OR4A16: variants seen among roughly 807,000 people sequenced by gnomAD.
The protein encoded by OR4A16 is olfactory receptor family 4 subfamily A member 16.
For synonymous variants in OR4A16, 210 were observed against 138.6 expected (o/e 1.51, Z -3.62); for missense variants, 594 against 390.9 (o/e 1.52, Z -4.38).
chr11:55,344,169 G>A lies in OR4A16; in HGVS notation c.969G>A (p.Lys323=), dbSNP rs1490914617. The A allele has an allele frequency of 1.9e-6, 3 of 1,584,232 alleles. No homozygotes were observed. The highest frequency in any genetic ancestry group is 2.3e-5 in the South Asian group (2 of 87,960). The part of the protein sequence containing the change: ...PTLNIFIPSS[K]ATNRR ...TGAACATATTTATTCCTAGTTCTAA[G>A]GCAACAAATAGGCGGTAAAATACTG... The change falls in exon 1 of 1, where the codon AAG becomes AAA. Residue 323 remains lysine, a synonymous_variant. Transcript: ENST00000314721.
Position 55,343,498 on chromosome 11 carries a change from T to C in OR4A16, c.298T>C (p.Phe100Leu), listed in dbSNP as rs368818886. ...ISLSACMGQL[F>L]IEHLLGGAEV... is the part of the protein sequence containing the mutation. ...CTTGTCAGCTTGCATGGGTCAGCTC[T>C]TCATAGAACACTTACTTGGTGGTGC... The change falls in exon 1 of 1, where the codon TTC (phenylalanine) becomes CTC (leucine). Residue 100 changes from phenylalanine to leucine, a missense_variant. Physicochemically the swap from Phe to Leu is conservative, Grantham distance 22 (BLOSUM62 0). Coordinates refer to ENST00000314721, the MANE Select transcript of OR4A16 (RefSeq NM_001005274.1). 3.1e-6 allele frequency: 5 copies of C among 1,613,838 alleles called. No homozygotes were observed. The African/African-American group carries it at 5.3e-5, about 17-fold the overall frequency.
Position 55,343,919 on chromosome 11 carries a change from C to G in OR4A16, c.719C>G (p.Ser240Cys). 6.2e-7 allele frequency: 1 copy of G among 1,613,812 alleles called. No homozygotes were observed. Among genetic ancestry groups the G allele is most frequent in the East Asian group, 2.2e-5 (1 of 44,800 alleles). ...CATAAAGCCCTGCCTACCTGCATCTCCCACATCATTGTGGTTGCCCTCGTT... is the reference window on the plus strand; with the variant it reads ...CATAAAGCCCTGCCTACCTGCATCTGCCACATCATTGTGGTTGCCCTCGTT... ...ERHKALPTCI[S>C]HIIVVALVFV... is the part of the protein sequence containing the mutation. Residue 240 changes from serine (S) to cysteine (C), a missense_variant, in exon 1 of 1, where the codon TCC becomes TGC. Transcript: ENST00000314721.
Position 55,343,946 on chromosome 11 carries a change from T to G in OR4A16, c.746T>G (p.Phe249Cys), listed in dbSNP as rs376009802. 7.4e-6 allele frequency: 12 copies of G among 1,613,744 alleles called. No homozygotes were observed. The highest frequency in any genetic ancestry group is 1.0e-5 in the Non-Finnish European group (12 of 1,179,896). The stretch of plus-strand genomic sequence containing the variant: ...CACATCATTGTGGTTGCCCTCGTTT[T>G]TGTTCCCTGTATTTTTATGTATGTT... ...ISHIIVVALV[F>C]VPCIFMYVRP... The change falls in exon 1 of 1, where the codon TTT becomes TGT. Residue 249 changes from phenylalanine to cysteine, a missense_variant. Coordinates refer to ENST00000314721, the MANE Select transcript of OR4A16 (RefSeq NM_001005274.1).
chr11:55,343,487 T>C lies in OR4A16; in HGVS notation c.287T>C (p.Met96Thr), dbSNP rs755507468. 4.3e-6 allele frequency: 7 copies of C among 1,613,942 alleles called. No homozygotes were observed. The highest frequency in any genetic ancestry group is 1.1e-5 in the South Asian group (1 of 91,074). ...DKIAISLSAC[M>T]GQLFIEHLLG... is the part of the protein sequence containing the mutation. ...ATCGCTATTTCCTTGTCAGCTTGCA[T>C]GGGTCAGCTCTTCATAGAACACTTA... The change falls in exon 1 of 1, where the codon ATG becomes ACG. Residue 96 changes from methionine to threonine, a missense_variant. By Grantham distance (81) the Met-to-Thr change is moderately conservative. Transcript: ENST00000314721.
In OR4A16 at chr11:55,343,613, T is replaced by A; in HGVS notation, c.413T>A (p.Val138Asp). 6.2e-7 allele frequency: 1 copy of A among 1,613,960 alleles called. No individual in the cohort carries two copies. Reference sequence around the variant, plus strand: ...TATTTGAACATCATGAATCGACTGGTTTGCATCCTTCTGTTGGTGGTGGCC... The same window carrying A: ...TATTTGAACATCATGAATCGACTGGATTGCATCCTTCTGTTGGTGGTGGCC... ...LHYLNIMNRL[V>D]CILLLVVAMI... The change falls in exon 1 of 1, where the codon GTT becomes GAT. Residue 138 changes from valine to aspartate, a missense_variant. Val to Asp is a radical substitution (Grantham distance 152, BLOSUM62 -3). Coordinates refer to ENST00000314721, the MANE Select transcript of OR4A16 (RefSeq NM_001005274.1).
Position 55,344,137 on chromosome 11 carries a change from C to T in OR4A16, c.937C>T (p.Pro313Ser), listed in dbSNP as rs764276746. ...KLSIVRKRVSPTLNIFIPSSK... is the reference protein window; with the variant it reads ...KLSIVRKRVSSTLNIFIPSSK... ...AAGTATAGTTAGAAAAAGAGTATCT[C>T]CCACACTGAACATATTTATTCCTAG... is the stretch of plus-strand genomic sequence containing the variant. Residue 313 changes from proline to serine, a missense_variant, in exon 1 of 1, where the codon CCC (proline) becomes TCC (serine). Transcript: ENST00000314721. The T allele has an allele frequency of 3.7e-6, 6 of 1,600,224 alleles. No homozygotes were observed. The Admixed American group carries it at 5.0e-5, about 13-fold the overall frequency.
rs758332856 is a variant in OR4A16, at chr11:55,343,564, G to A, written c.364G>A (p.Val122Met). Residue 122 changes from valine (V) to methionine (M), a missense_variant, in exon 1 of 1, where the codon GTG becomes ATG. By Grantham distance (21) the Val-to-Met change is conservative (BLOSUM62 1). Transcript: ENST00000314721. ...LLVVMAYDRYVAISKPLHYLN... is the reference protein window; with the variant it reads ...LLVVMAYDRYMAISKPLHYLN... ...GGTGGTGATGGCCTATGATCGCTATGTGGCTATCTCTAAGCCGCTGCACTA... is the reference window on the plus strand; with the variant it reads ...GGTGGTGATGGCCTATGATCGCTATATGGCTATCTCTAAGCCGCTGCACTA... 1 of 1,613,960 alleles carries A rather than the reference G, an allele frequency of 6.2e-7. No homozygotes were observed. Among genetic ancestry groups the A allele is most frequent in the African/African-American group, 1.3e-5 (1 of 75,024 alleles).
chr11:55,343,695 A>T lies in OR4A16; in HGVS notation c.495A>T (p.Pro165=), dbSNP rs1227735519. The change falls in exon 1 of 1, where the codon CCA becomes CCT. Residue 165 remains proline (P), a synonymous_variant. Coordinates refer to ENST00000314721, the MANE Select transcript of OR4A16 (RefSeq NM_001005274.1). ...VVQIVFLYSL[P]ICGPNVIDHS... ...AAATTGTCTTTCTGTACAGTCTACC[A>T]ATCTGTGGCCCCAATGTTATTGACC... The T allele has an allele frequency of 1.2e-6, 2 of 1,613,798 alleles. No homozygotes were observed. The highest frequency in any genetic ancestry group is 2.7e-5 in the African/African-American group (2 of 74,894).
Position 55,343,622 on chromosome 11 carries a change from T to C in OR4A16, c.422T>C (p.Leu141Pro), listed in dbSNP as rs138154619. Residue 141 changes from leucine (L) to proline (P), a missense_variant, in exon 1 of 1, where the codon CTT becomes CCT. Physicochemically the swap from Leu to Pro is moderately conservative, Grantham distance 98. Transcript: ENST00000314721. ...ATCATGAATCGACTGGTTTGCATCC[T>C]TCTGTTGGTGGTGGCCATGATTGGA... is the stretch of plus-strand genomic sequence containing the variant. ...LNIMNRLVCILLLVVAMIGGF... is the reference protein window; with the variant it reads ...LNIMNRLVCIPLLVVAMIGGF... 1.1e-5 allele frequency: 18 copies of C among 1,613,836 alleles called. No homozygotes were observed. Among genetic ancestry groups the C allele is most frequent in the Non-Finnish European group, 1.5e-5 (18 of 1,179,930 alleles).
chr11:55,343,285 T>G lies in OR4A16; in HGVS notation c.85T>G (p.Phe29Val), dbSNP rs76944329. The G allele has an allele frequency of 0.011, 16,983 of 1,567,886 alleles. No individual in the cohort carries two copies. The highest frequency in any genetic ancestry group is 0.033 in the African/African-American group (2,401 of 73,146). ...TGTGAAAAAAACATTATTTGTCATG[T>G]TTTTACTCATATACATTGTGACAAT... ...PDVKKTLFVM[F>V]LLIYIVTMVG... is the part of the protein sequence containing the mutation. The change falls in exon 1 of 1, where the codon TTT (phenylalanine) becomes GTT (valine). Residue 29 changes from phenylalanine to valine, a missense_variant. Phe to Val is a conservative substitution (Grantham distance 50). Transcript: ENST00000314721.
chr11:55,343,464 C>A lies in OR4A16; in HGVS notation c.264C>A (p.Ile88=), dbSNP rs763768417. 2 of 1,613,862 alleles carry A rather than the reference C, an allele frequency of 1.2e-6. No individual in the cohort carries two copies. Among genetic ancestry groups the A allele is most frequent in the Admixed American group, 3.3e-5 (2 of 59,972 alleles). ...TGATAGACTTACTCTGTGATAAAAT[C>A]GCTATTTCCTTGTCAGCTTGCATGG... The part of the protein sequence containing the change: ...KLMIDLLCDK[I]AISLSACMGQ... Residue 88 remains isoleucine, a synonymous_variant, in exon 1 of 1, where the codon ATC becomes ATA. Transcript: ENST00000314721.
At position 55,344,142 on chromosome 11, in the gene OR4A16, A is replaced by G. The variant is rs1853474947; in HGVS notation, c.942A>G (p.Thr314=). The G allele has an allele frequency of 6.2e-7, 1 of 1,601,746 alleles. No individual in the cohort carries two copies. Among genetic ancestry groups the G allele is most frequent in the Non-Finnish European group, 8.5e-7 (1 of 1,178,230 alleles). ...TAGTTAGAAAAAGAGTATCTCCCAC[A>G]CTGAACATATTTATTCCTAGTTCTA... is the stretch of plus-strand genomic sequence containing the variant. The part of the protein sequence containing the change: ...LSIVRKRVSP[T]LNIFIPSSKA... Residue 314 remains threonine, a synonymous_variant, in exon 1 of 1, where the codon ACA becomes ACG. Coordinates refer to ENST00000314721, the MANE Select transcript of OR4A16 (RefSeq NM_001005274.1).
Position 55,343,942 on chromosome 11 carries a change from G to A in OR4A16, c.742G>A (p.Val248Ile). The A allele has an allele frequency of 1.9e-6, 3 of 1,601,106 alleles. No individual in the cohort carries two copies. The highest frequency in any genetic ancestry group is 1.4e-5 in the African/African-American group (1 of 72,268). ...CISHIIVVAL[V>I]FVPCIFMYVR... is the part of the protein sequence containing the mutation. ...CTCCCACATCATTGTGGTTGCCCTC[G>A]TTTTTGTTCCCTGTATTTTTATGTA... The change falls in exon 1 of 1, where the codon GTT becomes ATT. Residue 248 changes from valine (V) to isoleucine (I), a missense_variant. By Grantham distance (29) the Val-to-Ile change is conservative. Transcript: ENST00000314721.
In OR4A16 at chr11:55,343,925, T is replaced by A. The variant is rs1231845064; in HGVS notation, c.725T>A (p.Ile242Asn). ...GCCCTGCCTACCTGCATCTCCCACA[T>A]CATTGTGGTTGCCCTCGTTTTTGTT... ...HKALPTCISHIIVVALVFVPC... is the reference protein window; with the variant it reads ...HKALPTCISHNIVVALVFVPC... The change falls in exon 1 of 1, where the codon ATC (isoleucine) becomes AAC (asparagine). Residue 242 changes from isoleucine (I) to asparagine (N), a missense_variant. By Grantham distance (149) the Ile-to-Asn change is moderately radical. Coordinates refer to ENST00000314721, the MANE Select transcript of OR4A16 (RefSeq NM_001005274.1). 1 of 1,613,732 alleles carries A rather than the reference T, an allele frequency of 6.2e-7. No individual in the cohort carries two copies. The highest frequency in any genetic ancestry group is 1.7e-5 in the Admixed American group (1 of 59,956).
rs199644874 is a variant in OR4A16 at position 55,343,367 on chromosome 11, T to C, written c.167T>C (p.Leu56Pro). 0.01 allele frequency: 15,870 copies of C among 1,547,872 alleles called. No homozygotes were observed. The highest frequency in any genetic ancestry group is 0.033 in the African/African-American group (2,361 of 72,532). ...TTIGSPSLGS[L>P]MYFFLAYLSL... ...ATTGGCAGCCCCTCCTTGGGCTCCC[T>C]AATGTACTTCTTCCTTGCCTACTTG... The change falls in exon 1 of 1, where the codon CTA becomes CCA. Residue 56 changes from leucine to proline, a missense_variant. By Grantham distance (98) the Leu-to-Pro change is moderately conservative. Transcript: ENST00000314721.
At position 55,343,611 on chromosome 11, in the gene OR4A16, G is replaced by C; in HGVS notation, c.411G>C (p.Leu137=). 2 of 1,613,316 alleles carry C rather than the reference G, an allele frequency of 1.2e-6. No individual in the cohort carries two copies. Among genetic ancestry groups the C allele is most frequent in the Non-Finnish European group, 1.7e-6 (2 of 1,179,792 alleles). ...PLHYLNIMNR[L]VCILLLVVAM... ...ACTATTTGAACATCATGAATCGACTGGTTTGCATCCTTCTGTTGGTGGTGG... is the reference window on the plus strand; with the variant it reads ...ACTATTTGAACATCATGAATCGACTCGTTTGCATCCTTCTGTTGGTGGTGG... Residue 137 remains leucine (L), a synonymous_variant, in exon 1 of 1, where the codon CTG becomes CTC. Coordinates refer to ENST00000314721, the MANE Select transcript of OR4A16 (RefSeq NM_001005274.1).
rs751311802 is a variant in OR4A16, at chr11:55,343,867, C to G, written c.667C>G (p.Leu223Val). 1 of 1,613,790 alleles carries G rather than the reference C, an allele frequency of 6.2e-7. No individual in the cohort carries two copies. Among genetic ancestry groups the G allele is most frequent in the Non-Finnish European group, 8.5e-7 (1 of 1,179,900 alleles). ...LISCGVILNF[L>V]KTYSQEERHK... is the part of the protein sequence containing the mutation. ...CTCCTGTGGAGTCATCCTAAACTTC[C>G]TTAAAACTTACAGTCAGGAAGAGAG... Residue 223 changes from leucine to valine, a missense_variant, in exon 1 of 1, where the codon CTT (leucine) becomes GTT (valine). Coordinates refer to ENST00000314721, the MANE Select transcript of OR4A16 (RefSeq NM_001005274.1).
chr11:55,343,490 G>T lies in OR4A16; in HGVS notation c.290G>T (p.Gly97Val). ...KIAISLSACM[G>V]QLFIEHLLGG... ...GCTATTTCCTTGTCAGCTTGCATGGGTCAGCTCTTCATAGAACACTTACTT... is the reference window on the plus strand; with the variant it reads ...GCTATTTCCTTGTCAGCTTGCATGGTTCAGCTCTTCATAGAACACTTACTT... The change falls in exon 1 of 1, where the codon GGT becomes GTT. Residue 97 changes from glycine (G) to valine (V), a missense_variant. Physicochemically the swap from Gly to Val is moderately radical, Grantham distance 109. Transcript: ENST00000314721. The T allele has an allele frequency of 6.2e-7, 1 of 1,613,914 alleles. No individual in the cohort carries two copies. The highest frequency in any genetic ancestry group is 8.5e-7 in the Non-Finnish European group (1 of 1,179,904).
rs377755808 is a variant in OR4A16, at chr11:55,343,734, C to T, written c.534C>T (p.Asp178=). ...ATGTTATTGACCACTCTGTCTGTGA[C>T]ATGTACCCATTGTTGGAACTGTTGT... ...GPNVIDHSVC[D]MYPLLELLCL... Residue 178 remains aspartate (D), a synonymous_variant, in exon 1 of 1, where the codon GAC becomes GAT. Coordinates refer to ENST00000314721, the MANE Select transcript of OR4A16 (RefSeq NM_001005274.1). 1.3e-5 allele frequency: 21 copies of T among 1,613,688 alleles called. No homozygotes were observed. The African/African-American group carries it at 2.7e-4, about 21-fold the overall frequency.
Sources: gnomAD v4.1 joint callset for allele counts on GRCh38, gnomAD v4.1.1 for gene constraint, MANE v1.5 for transcripts, NCBI Gene and HGNC (gene_info 2026-07-23, HGNC 2026-07-21) for gene names.